The following TMEM132C variants were observed in gnomAD, a reference collection of about 807,000 sequenced individuals.
TMEM132C encodes protein phosphatase 1, regulatory subunit 152.
Under a neutral mutation model 61.4 loss-of-function variants are expected in TMEM132C, and 29 were observed. That is an observed-to-expected ratio of 0.47 (90% CI 0.35 to 0.64). The LOEUF (loss-of-function observed/expected upper bound fraction) is 0.64. TMEM132C is among the 30% of genes least tolerant of loss of function. The pLI is 0.00. For missense variants in TMEM132C, 1,408 were observed against 1,476.9 expected (o/e 0.95, Z 0.76); for synonymous variants, 656 against 633.1 (o/e 1.04, Z -0.54).
intron 3 of TMEM132C, among the ~76,000 whole-genome samples, chr12:128,609,086 G>A (rs1011491738): frequency 1.1e-4 from 17 of 151,746 alleles, no homozygotes; most frequent in Admixed American, 9.8e-4. Flanking sequence ...TCAGCTCACT[G>A]CAACACTGTA....
chr12:128,379,403 ATTCCAGTTGCC>A (rs1874330035), intron 1 of TMEM132C, among the ~76,000 whole-genome samples: 1 of 152,238 alleles, frequency 6.6e-6, no homozygotes, highest in African/African-American at 2.4e-5. Context: ...TTTACAACCT[ATTCCAGTTGCC>A]TGGGACTGCT....
Position 128,694,021 on chromosome 12 carries a change from G to A in TMEM132C, c.1642G>A (p.Val548Met), listed in dbSNP as rs1359900770. 1 of 1,551,596 alleles carries A rather than the reference G, an allele frequency of 6.4e-7. No individual in the cohort carries two copies. The highest frequency in any genetic ancestry group is 1.4e-5 in the African/African-American group (1 of 73,056). The change falls in exon 6 of 9, where the codon GTG becomes ATG. Residue 548 changes from valine to methionine, a missense_variant. Coordinates refer to ENST00000435159, the MANE Select transcript of TMEM132C (RefSeq NM_001136103.3). ...GATAAAGGGCTGGAGGGTCCCCATT[G>A]TGACCAATAAGAGGTGAGCCTCGGA... ...SQIKGWRVPI[V>M]TNKRPTRESE...
chr12:128,321,430 A>G (rs1465758557), intron 1 of TMEM132C, among the ~76,000 whole-genome samples: 3 of 152,212 alleles, frequency 2.0e-5, no homozygotes, highest in Non-Finnish European at 1.5e-5. Flanking sequence ...TTGAAAAGAC[A>G]AAATGTCAGA....
At chr12:128,498,635 A>G (rs1344987214) in intron 2 of TMEM132C, among the ~76,000 whole-genome samples, 1 of 152,164 alleles carries the variant, frequency 6.6e-6, no homozygotes, top group Non-Finnish European at 1.5e-5. Flanking sequence ...GGATCATGCC[A>G]CTGCACTCCA....
chr12:128,698,194 G>A (rs1954779270), intron 8 of TMEM132C, among the ~76,000 whole-genome samples: 1 of 116,194 alleles, frequency 8.6e-6, no homozygotes, highest in African/African-American at 2.6e-5. Flanking sequence ...GACCATCACA[G>A]GGCCAGCATA....
chr12:128,474,892 CTG>C (rs1871104122), intron 2 of TMEM132C, among the ~76,000 whole-genome samples: 1 of 152,172 alleles, frequency 6.6e-6, no homozygotes, highest in African/African-American at 2.4e-5. Context: ...CAGGAATCAT[CTG>C]TGTCTCGGTT....
chr12:128,580,378 G>A (rs1289456535), intron 3 of TMEM132C, among the ~76,000 whole-genome samples: 3 of 152,000 alleles, frequency 2.0e-5, no homozygotes, highest in Non-Finnish European at 4.4e-5. Flanking sequence ...CAGAGATCGC[G>A]CCACTGCATT....
intron 4 of TMEM132C, among the ~76,000 whole-genome samples, chr12:128,667,408 C>T (rs956870524): frequency 2.6e-5 from 4 of 152,144 alleles, no homozygotes; most frequent in Non-Finnish European, 5.9e-5. Flanking sequence ...GTATTCTTAG[C>T]CTCCATAATA....
At chr12:128,361,520 C>T (rs761795431) in intron 1 of TMEM132C, among the ~76,000 whole-genome samples, 67 of 152,090 alleles carry the variant, frequency 4.4e-4, no homozygotes, top group Non-Finnish European at 8.4e-4. Context: ...ACAAATGTCT[C>T]CATTGGTGGT....
intron 1 of TMEM132C, among the ~76,000 whole-genome samples, chr12:128,304,346 G>T (rs1871692447): frequency 6.7e-6 from 1 of 148,932 alleles, no homozygotes; most frequent in African/African-American, 2.5e-5. Context: ...GCTGGGCGTG[G>T]TGGCTCATGC....
At chr12:128,342,769 G>T (rs148744058) in intron 1 of TMEM132C, among the ~76,000 whole-genome samples, 1 of 152,198 alleles carries the variant, frequency 6.6e-6, no homozygotes, top group East Asian at 1.9e-4. Flanking sequence ...CTGCCCGTGG[G>T]CCCCTGGGCC....
At chr12:128,615,055 C>T (rs951993058) in intron 3 of TMEM132C, among the ~76,000 whole-genome samples, 6 of 152,188 alleles carry the variant, frequency 3.9e-5, no homozygotes, top group African/African-American at 1.4e-4. Flanking sequence ...GCTCTAGAAC[C>T]CACTTCTTCC....
chr12:128,289,614 G>A (rs1297024262), intron 1 of TMEM132C, among the ~76,000 whole-genome samples: 8 of 152,184 alleles, frequency 5.3e-5, no homozygotes, highest in South Asian at 4.1e-4. Context: ...TGTATTTAAC[G>A]TCCCCATCTT....
rs11059784 is a variant in TMEM132C, at chr12:128,590,657, T to A, written c.1122-25495T>A. On this transcript the variant is annotated intron_variant, in intron 3 of 8. Transcript: ENST00000435159. ...CCAGATTAAGGAGAATGGTGTTGAG[T>A]CACATCACATAAGGAGACGCAGGAG... Among the ~76,000 whole-genome samples the A allele has an allele frequency of 1.6e-3, 245 of 152,144 alleles. 9 individuals are homozygous for A. The East Asian group carries it at 0.038, about 23-fold the overall frequency.
chr12:128,364,063 C>T (rs1347085277), intron 1 of TMEM132C, among the ~76,000 whole-genome samples: 1 of 152,020 alleles, frequency 6.6e-6, no homozygotes, highest in African/African-American at 2.4e-5. Context: ...AAGTTAGATT[C>T]CTCATGGCTG....
At chr12:128,499,077 A>G (rs1872069693) in intron 2 of TMEM132C, among the ~76,000 whole-genome samples, 1 of 152,292 alleles carries the variant, frequency 6.6e-6, no homozygotes, top group Admixed American at 6.5e-5. Flanking sequence ...AGCCAAAATC[A>G]TCTTCAAAAA....
intron 2 of TMEM132C, among the ~76,000 whole-genome samples, chr12:128,530,098 C>T (rs1236683368): frequency 7.9e-6 from 1 of 126,996 alleles, no homozygotes; most frequent in Admixed American, 9.7e-5. Flanking sequence ...GTGAAAAAGG[C>T]AGAAAGTGGG....
At chr12:128,603,399 T>C (rs73428417) in intron 3 of TMEM132C, among the ~76,000 whole-genome samples, 2,327 of 152,272 alleles carry the variant, frequency 0.015, 63 homozygotes, top group African/African-American at 0.053. Flanking sequence ...CAGATGCTGC[T>C]TTTAGCAGTT....
chr12:128,327,349 G>A (rs529085502), intron 1 of TMEM132C, among the ~76,000 whole-genome samples: 11 of 147,102 alleles, frequency 7.5e-5, no homozygotes, highest in South Asian at 2.1e-4. Flanking sequence ...CCAGGTGCCC[G>A]GGGCGCAGCT....
Sources: gnomAD v4.1 joint callset for allele counts (sites outside exome capture counted in the v4.1 genomes callset) on GRCh38, gnomAD v4.1.1 for gene constraint, MANE v1.5 for transcripts, NCBI Gene and HGNC (gene_info 2026-07-23, HGNC 2026-07-21) for gene names.